Variants in ZFHX3 observed in about 807,000 individuals in gnomAD.
The protein encoded by ZFHX3 is zinc finger homeobox 3.
In ZFHX3, 42 loss-of-function variants were observed where a neutral mutation model predicts 279.1. The ratio of observed to expected loss-of-function variants is 0.15; its 90% CI spans 0.12 to 0.19. The LOEUF (loss-of-function observed/expected upper bound fraction) is 0.19. Ranked by LOEUF, ZFHX3 falls within the 10% of genes least tolerant of loss-of-function variation. The pLI is 1.00. For synonymous variants in ZFHX3, 2,293 were observed against 1,957.8 expected (o/e 1.17, Z -4.52); for missense variants, 4,981 against 4,754.0 (o/e 1.05, Z -1.40).
At chr16:73,001,276 C>G (rs1963489095) in intron 1 of ZFHX3, among the ~76,000 whole-genome samples, 1 of 152,166 alleles carries the variant, frequency 6.6e-6, no homozygotes, top group African/African-American at 2.4e-5. Flanking sequence ...GAAATGAATC[C>G]TATCAACAAC....
intron 2 of ZFHX3, among the ~76,000 whole-genome samples, chr16:73,545,363 C>A (rs970083658): frequency 1.7e-4 from 25 of 151,450 alleles, no homozygotes; most frequent in Middle Eastern, 6.8e-3. Flanking sequence ...GAGGGGGTGG[C>A]AGGGTATATT....
At position 72,933,813 on chromosome 16, in the gene ZFHX3, C is replaced by CTTTTTTTTTTTTTTT. The variant is rs71391468; in HGVS notation, c.3216+16641_3216+16655dup. Among the ~76,000 whole-genome samples the CTTTTTTTTTTTTTTT allele has an allele frequency of 1.5e-3, 170 of 112,456 alleles. 18 individuals are homozygous for CTTTTTTTTTTTTTTT. Among genetic ancestry groups the CTTTTTTTTTTTTTTT allele is most frequent in the Non-Finnish European group, 2.6e-3 (133 of 50,690 alleles). The allele number at this position is 112,456 out of a possible 152,430, so 73.8% of individuals were successfully genotyped here. On this transcript the variant is annotated intron_variant, in intron 3 of 9. Transcript: ENST00000268489. ...TATGAAATGTTTAGCTCACAACTTT[C>CTTTTTTTTTTTTTTT]TTTTTTTTTTTTTTTTTTTTTTTGA...
intron 2 of ZFHX3, among the ~76,000 whole-genome samples, chr16:73,474,659 G>T (rs916402379): frequency 6.6e-6 from 1 of 152,008 alleles, no homozygotes; most frequent in African/African-American, 2.4e-5. Flanking sequence ...TGCTCCTCTG[G>T]GTCCCCTCCA....
At chr16:73,632,387 C>G (rs1193038233) in intron 2 of ZFHX3, among the ~76,000 whole-genome samples, 1 of 152,052 alleles carries the variant, frequency 6.6e-6, no homozygotes, top group African/African-American at 2.4e-5. Context: ...AAGAAGTTAA[C>G]AGAAAGTCAT....
At chr16:73,582,270 C>A (rs1301291906) in intron 2 of ZFHX3, among the ~76,000 whole-genome samples, 1 of 151,704 alleles carries the variant, frequency 6.6e-6, no homozygotes, top group Non-Finnish European at 1.5e-5. Flanking sequence ...GAAGTGGGAA[C>A]CCTTATGAAT....
At chr16:72,975,690 G>GT (rs1377792857) in intron 1 of ZFHX3, among the ~76,000 whole-genome samples, 2 of 152,200 alleles carry the variant, frequency 1.3e-5, no homozygotes, top group African/African-American at 4.8e-5. Flanking sequence ...TTCTTGAAGT[G>GT]TAAGGATCCA....
chr16:72,885,118 T>C (rs1390857918), intron 4 of ZFHX3, among the ~76,000 whole-genome samples: 1 of 152,226 alleles, frequency 6.6e-6, no homozygotes, highest in Non-Finnish European at 1.5e-5. Context: ...TTGTGTCTAT[T>C]GTGGGGTAGG....
rs558856582 is a variant in ZFHX3, at chr16:73,289,871, C to A, written c.-1194+28369G>T. On this transcript the variant is annotated intron_variant, in intron 4 of 17. Coordinates refer to the ZFHX3 transcript ENST00000641206. ...AGAAAGCCTTGTTGGGTGGGATGTC[C>A]ACACCAGGCCCCCTGTGTCAAGTCA... 1.4e-3 allele frequency among the ~76,000 whole-genome samples: 220 copies of A among 152,240 alleles called. 2 individuals are homozygous for A. The highest frequency in any genetic ancestry group is 0.01 in the Middle Eastern group (3 of 294).
chr16:73,055,324 A>C (rs966570493), intron 1 of ZFHX3, among the ~76,000 whole-genome samples: 3 of 151,838 alleles, frequency 2.0e-5, no homozygotes, highest in Non-Finnish European at 2.9e-5. Flanking sequence ...CTGGGAGCCT[A>C]TGTCTATGCA....
At chr16:72,921,503 A>G (rs1208812249) in intron 3 of ZFHX3, among the ~76,000 whole-genome samples, 14 of 152,234 alleles carry the variant, frequency 9.2e-5, no homozygotes, top group Admixed American at 9.2e-4. Context: ...GTGCTAGCCA[A>G]GAAAGACTCC....
chr16:72,786,601 A>C lies in ZFHX3; in HGVS notation c.*563T>G, dbSNP rs868064925. The C allele has an allele frequency of 3.3e-5, 5 of 151,242 alleles. No homozygotes were observed. Among genetic ancestry groups the C allele is most frequent in the Non-Finnish European group, 7.4e-5 (5 of 67,720 alleles). 9.4% of individuals were successfully genotyped at this position (151,242 alleles called of 1,614,324 possible). On this transcript the variant is annotated 3_prime_UTR_variant, in exon 10 of 10. Transcript: ENST00000268489. ...TTCTGGAACAAAAAAAAAAAAAAAA[A>C]CTGAAAAAACAATAATATATAAAAC...
intron 1 of ZFHX3, among the ~76,000 whole-genome samples, chr16:73,731,646 G>A (rs911701601): frequency 2.7e-5 from 1 of 36,942 alleles, no homozygotes; most frequent in African/African-American, 6.6e-5. Context: ...GATGTTCGGG[G>A]TGAAAAAAAA....
chr16:73,839,960 C>T (rs1001017820), intron 1 of ZFHX3, among the ~76,000 whole-genome samples: 1 of 152,296 alleles, frequency 6.6e-6, no homozygotes, highest in African/African-American at 2.4e-5. Flanking sequence ...TTTCCCATTC[C>T]TGGACCCATC....
At chr16:73,222,526 T>G (rs2012456498) in intron 5 of ZFHX3, among the ~76,000 whole-genome samples, 1 of 151,964 alleles carries the variant, frequency 6.6e-6, no homozygotes, top group African/African-American at 2.4e-5. Context: ...ATGTACAGGA[T>G]CTAGATGAGG....
chr16:73,448,658 T>A (rs1030422378), intron 3 of ZFHX3, among the ~76,000 whole-genome samples: 1 of 149,248 alleles, frequency 6.7e-6, no homozygotes, highest in Admixed American at 6.7e-5. Context: ...GAATGTGCCT[T>A]AAAAGGGGAA....
At chr16:73,610,833 T>C (rs140437804) in intron 2 of ZFHX3, among the ~76,000 whole-genome samples, 11 of 152,324 alleles carry the variant, frequency 7.2e-5, no homozygotes, top group African/African-American at 1.9e-4. Flanking sequence ...TTGGCTTAGA[T>C]ACATAGATTC....
intron 2 of ZFHX3, among the ~76,000 whole-genome samples, chr16:73,529,984 G>T (rs2019768790): frequency 6.6e-6 from 1 of 152,116 alleles, no homozygotes; most frequent in Non-Finnish European, 1.5e-5. Context: ...TTTGATAGTT[G>T]AAATGTATCG....
intron 2 of ZFHX3, among the ~76,000 whole-genome samples, chr16:73,587,719 G>A (rs1018356768): frequency 1.8e-4 from 27 of 152,172 alleles, no homozygotes; most frequent in Non-Finnish European, 3.2e-4. Flanking sequence ...AGTAATTGGA[G>A]AGTTTGAGTA....
At chr16:73,711,361 G>A (rs1258805545) in intron 1 of ZFHX3, among the ~76,000 whole-genome samples, 2 of 152,134 alleles carry the variant, frequency 1.3e-5, no homozygotes, top group Admixed American at 6.5e-5. Context: ...ATTATTGGCT[G>A]GGACTCCCAT....
Sources: allele counts gnomAD v4.1 joint callset (sites outside exome capture counted in the v4.1 genomes callset), GRCh38; gene constraint gnomAD v4.1.1; transcripts MANE v1.5; gene names NCBI Gene and HGNC (gene_info 2026-07-23, HGNC 2026-07-21).